Variants in DNAJC3 observed in about 807,000 individuals in gnomAD.
The protein encoded by DNAJC3 is dnaJ homolog subfamily C member 3.
In DNAJC3, 38 loss-of-function variants were observed where a neutral mutation model predicts 68.6. The ratio of observed to expected loss-of-function variants is 0.55; its 90% CI spans 0.43 to 0.73. DNAJC3 has a LOEUF of 0.73. DNAJC3 is among the 30% of genes least tolerant of loss of function. DNAJC3 has a pLI of 0.00. For missense variants in DNAJC3, 526 were observed against 591.9 expected (o/e 0.89, Z 1.16); for synonymous variants, 203 against 204.0 (o/e 1.00, Z 0.04).
At chr13:95,714,916 C>T (rs1273285789) in intron 2 of DNAJC3, among the ~76,000 whole-genome samples, 4 of 151,930 alleles carry the variant, frequency 2.6e-5, no homozygotes, top group Non-Finnish European at 5.9e-5. Flanking sequence ...AATGACTGCT[C>T]CTTTTTTTTT....
chr13:95,741,698 G>A (rs557955120), intron 4 of DNAJC3, among the ~76,000 whole-genome samples: 3 of 152,286 alleles, frequency 2.0e-5, no homozygotes, highest in East Asian at 1.9e-4. Flanking sequence ...TGGTCTTGGC[G>A]ATGGCTACAC....
intron 2 of DNAJC3, among the ~76,000 whole-genome samples, chr13:95,717,181 T>C (rs1376527584): frequency 6.6e-6 from 1 of 152,210 alleles, no homozygotes; most frequent in Non-Finnish European, 1.5e-5. Context: ...AAGTGGTAGA[T>C]TAAATGGTGG....
chr13:95,791,379 A>G lies in DNAJC3; in HGVS notation c.*349A>G. 1 of 285,390 alleles carries G rather than the reference A, an allele frequency of 3.5e-6. No individual in the cohort carries two copies. Among genetic ancestry groups the G allele is most frequent in the Admixed American group, 5.1e-5 (1 of 19,708 alleles). The allele number at this position is 285,390 out of a possible 1,614,324, so 17.7% of individuals were successfully genotyped here. On this transcript the variant is annotated 3_prime_UTR_variant, in exon 12 of 12. Transcript: ENST00000602402. ...TCTTCTCTTCACAGCCTTGCAGAGT[A>G]AGTCAGTGCCTACAAGTGTAAGAAG...
intron 1 of DNAJC3, among the ~76,000 whole-genome samples, chr13:95,699,095 A>G (rs1268548927): frequency 6.6e-6 from 1 of 152,196 alleles, no homozygotes; most frequent in Non-Finnish European, 1.5e-5. Flanking sequence ...TTATGGGGAA[A>G]GAAGGGTCTG....
Position 95,725,210 on chromosome 13 carries a change from A to T in DNAJC3, c.351A>T (p.Lys117Asn). The change falls in exon 4 of 12, where the codon AAA (lysine) becomes AAT (asparagine). Residue 117 changes from lysine to asparagine, a missense_variant. Physicochemically the swap from Lys to Asn is moderately conservative, Grantham distance 94. Coordinates refer to ENST00000602402, the MANE Select transcript of DNAJC3 (RefSeq NM_006260.5). ...TACAGAGAGGTCACTTATTACTCAA[A>T]CAAGGAAAACTTGATGAAGCAGAAG... ...ARLQRGHLLL[K>N]QGKLDEAEDD... 6.3e-7 allele frequency: 1 copy of T among 1,593,954 alleles called. No homozygotes were observed. The highest frequency in any genetic ancestry group is 8.5e-7 in the Non-Finnish European group (1 of 1,172,282).
chr13:95,717,869 C>T (rs1881202402), intron 2 of DNAJC3, among the ~76,000 whole-genome samples: 1 of 152,210 alleles, frequency 6.6e-6, no homozygotes, highest in African/African-American at 2.4e-5. Context: ...ATGTCTTCAT[C>T]AGCAGCATGA....
chr13:95,773,731 C>CTCTTTTTTT (rs1359420907), intron 9 of DNAJC3, among the ~76,000 whole-genome samples: 2 of 71,336 alleles, frequency 2.8e-5, no homozygotes, highest in African/African-American at 1.1e-4. Context: ...TTTTGTTGGT[C>CTCTTTTTTT]TTTTTTTTTT....
rs1279651614 is a variant in DNAJC3, at chr13:95,727,844, T to C, written c.393+2592T>C. Among the ~76,000 whole-genome samples, 7 of 152,310 alleles carry C rather than the reference T, an allele frequency of 4.6e-5. No individual in the cohort carries two copies. The East Asian group carries it at 7.7e-4, about 17-fold the overall frequency. ...CCATAGTCAAGACACTGACTTGGTA[T>C]TCTGTTACCCTGGGATCCCTCCTGT... On this transcript the variant is annotated intron_variant, in intron 4 of 11. Transcript: ENST00000602402.
chr13:95,743,568 G>T (rs1026892470), intron 4 of DNAJC3, among the ~76,000 whole-genome samples: 3 of 152,026 alleles, frequency 2.0e-5, no homozygotes, highest in Admixed American at 2.0e-4. Flanking sequence ...CTTATTGATT[G>T]ATTGATTGAG....
At chr13:95,704,365 A>G (rs1360735184) in intron 1 of DNAJC3, among the ~76,000 whole-genome samples, 1 of 152,186 alleles carries the variant, frequency 6.6e-6, no homozygotes, top group Non-Finnish European at 1.5e-5. Context: ...ATGGTCTGTG[A>G]TTGAAATAAT....
intron 4 of DNAJC3, among the ~76,000 whole-genome samples, chr13:95,727,602 A>T (rs1881573749): frequency 6.6e-6 from 1 of 152,196 alleles, no homozygotes; most frequent in South Asian, 2.1e-4. Flanking sequence ...CAAATAGATG[A>T]CAGGTGCCAT....
chr13:95,783,751 C>T (rs1473389296), intron 9 of DNAJC3, among the ~76,000 whole-genome samples: 2 of 152,200 alleles, frequency 1.3e-5, no homozygotes, highest in Non-Finnish European at 2.9e-5. Flanking sequence ...TTGTAGGACT[C>T]TTTCCTTAGT....
rs571832604 is a variant in DNAJC3, at chr13:95,761,045, A to G, written c.848+247A>G. Among the ~76,000 whole-genome samples the G allele has an allele frequency of 1.5e-3, 227 of 152,364 alleles. 2 individuals are homozygous for G. The highest frequency in any genetic ancestry group is 5.3e-3 in the African/African-American group (219 of 41,588). On this transcript the variant is annotated intron_variant, in intron 7 of 11. Transcript: ENST00000602402. ...CTATACCAAATATTTATTATCTCCT[A>G]TATCAGGCTGAGCTATGTACTGAGG...
chr13:95,740,756 A>G (rs1184559245), intron 4 of DNAJC3, among the ~76,000 whole-genome samples: 1 of 152,182 alleles, frequency 6.6e-6, no homozygotes, highest in Non-Finnish European at 1.5e-5. Context: ...ATGGAAATGC[A>G]GAAATCACCC....
chr13:95,696,230 C>T (rs749081659), intron 1 of DNAJC3, among the ~76,000 whole-genome samples: 14 of 152,194 alleles, frequency 9.2e-5, no homozygotes, highest in Non-Finnish European at 1.5e-4. Flanking sequence ...AGATTAACCT[C>T]GCCAACATGG....
chr13:95,705,069 C>T (rs1880694488), intron 1 of DNAJC3, among the ~76,000 whole-genome samples: 1 of 152,046 alleles, frequency 6.6e-6, no homozygotes, highest in Non-Finnish European at 1.5e-5. Flanking sequence ...CCAGGCTAGT[C>T]TTGAATTCCT....
intron 4 of DNAJC3, among the ~76,000 whole-genome samples, chr13:95,755,213 A>G (rs1882615534): frequency 6.6e-6 from 1 of 152,118 alleles, no homozygotes; most frequent in Non-Finnish European, 1.5e-5. Flanking sequence ...TGGAAGGCTG[A>G]GACAGGAGGA....
chr13:95,722,911 G>A (rs1186604329), intron 2 of DNAJC3, among the ~76,000 whole-genome samples: 1 of 145,160 alleles, frequency 6.9e-6, no homozygotes, highest in African/African-American at 2.6e-5. Context: ...TTTCTAAAGG[G>A]CTAGACAAGT....
At chr13:95,742,125 C>T (rs899025629) in intron 4 of DNAJC3, among the ~76,000 whole-genome samples, 5 of 152,144 alleles carry the variant, frequency 3.3e-5, no homozygotes, top group Admixed American at 6.5e-5. Context: ...CCCTAGGTGG[C>T]GGCTGCTGGC....
Sources: allele counts gnomAD v4.1 joint callset (sites outside exome capture counted in the v4.1 genomes callset), GRCh38; gene constraint gnomAD v4.1.1; transcripts MANE v1.5; gene names NCBI Gene and HGNC (gene_info 2026-07-23, HGNC 2026-07-21).